The following PRKCH variants were observed in gnomAD, a reference collection of about 807,000 sequenced individuals.
The protein encoded by PRKCH is protein kinase C eta.
Under a neutral mutation model 82.5 loss-of-function variants are expected in PRKCH, and 28 were observed. The ratio of observed to expected loss-of-function variants is 0.34; its 90% CI spans 0.25 to 0.47. PRKCH has a LOEUF of 0.47. PRKCH is among the 20% of genes least tolerant of loss of function. The pLI, the probability that PRKCH is intolerant of heterozygous loss-of-function variation, is 1.00. For missense variants in PRKCH, 705 were observed against 881.8 expected, an observed-to-expected ratio of 0.80 and a Z score of 2.54; for synonymous variants, 322 against 327.4, an observed-to-expected ratio of 0.98 and a Z score of 0.18.
In PRKCH at chr14:61,324,447, ATTT is replaced by A. The variant is rs753285080; in HGVS notation, c.363+1991_363+1993del. Among the ~76,000 whole-genome samples the A allele has an allele frequency of 9.2e-5, 14 of 152,108 alleles. No homozygotes were observed. In the South Asian group the frequency reaches 1.9e-3, roughly 20 times the overall value. ...TGCGTTTGCATGCATCAGAAGGCAG[ATTT>A]TTTTTTTGTTGTTTTTTTTAAAAAG... On this transcript the variant is annotated intron_variant, in intron 1 of 13. Coordinates refer to ENST00000332981, the MANE Select transcript of PRKCH (RefSeq NM_006255.5).
intron 1 of PRKCH, chr14:61,344,319 A>G (rs1342315203): frequency 6.6e-6 from 1 of 152,240 alleles, no homozygotes; most frequent in African/African-American, 2.4e-5. Context: ...TTTCCCAGCC[A>G]CACTAGTACA....
chr14:61,309,405 C>A (rs1211847769), intron 1 of PRKCH, among the ~76,000 whole-genome samples: 3 of 152,128 alleles, frequency 2.0e-5, no homozygotes, highest in African/African-American at 7.2e-5. Flanking sequence ...CTGTGGCAGG[C>A]AGGAAGGATA....
chr14:61,414,037 C>G (rs1183987915), intron 2 of PRKCH, among the ~76,000 whole-genome samples: 1 of 152,152 alleles, frequency 6.6e-6, no homozygotes, highest in African/African-American at 2.4e-5. Flanking sequence ...CCCTTCTCTT[C>G]CTTTCTCGTA....
chr14:61,451,270 AG>A (rs1422497042), intron 6 of PRKCH, among the ~76,000 whole-genome samples: 1 of 152,204 alleles, frequency 6.6e-6, no homozygotes, highest in Non-Finnish European at 1.5e-5. Context: ...GAAGAGAAAA[AG>A]ATGGGATCTT....
chr14:61,352,722 G>A (rs1268481853), intron 1 of PRKCH, among the ~76,000 whole-genome samples: 1 of 151,376 alleles, frequency 6.6e-6, no homozygotes, highest in Non-Finnish European at 1.5e-5. Flanking sequence ...AAGAAAGAAA[G>A]AAAGAAAGAA....
At chr14:61,528,972 A>C in intron 10 of PRKCH, 103 bp from the exon 11 acceptor site, 1 of 908,118 alleles carries the variant, frequency 1.1e-6, no homozygotes, top group East Asian at 3.5e-5. Flanking sequence ...ATGTGGCCGC[A>C]CGTGTGTGTG....
chr14:61,412,110 A>G (rs920382820), intron 2 of PRKCH, among the ~76,000 whole-genome samples: 7 of 152,212 alleles, frequency 4.6e-5, no homozygotes, highest in Non-Finnish European at 8.8e-5. Context: ...ATACAAAACT[A>G]TCACTCAATA....
chr14:61,287,335 G>T (rs1385413988), intron 1 of PRKCH, among the ~76,000 whole-genome samples: 1 of 151,804 alleles, frequency 6.6e-6, no homozygotes, highest in Non-Finnish European at 1.5e-5. Flanking sequence ...ACCAGAATAG[G>T]CAGAGGACAA....
chr14:61,389,282 C>G (rs571947453), intron 1 of PRKCH, among the ~76,000 whole-genome samples: 1 of 151,322 alleles, frequency 6.6e-6, no homozygotes, highest in East Asian at 1.9e-4. Flanking sequence ...CCCAGGTGGT[C>G]GAGGCTACAG....
At chr14:61,276,041 G>A (rs2045198438) in intron 1 of PRKCH, among the ~76,000 whole-genome samples, 1 of 152,112 alleles carries the variant, frequency 6.6e-6, no homozygotes, top group Non-Finnish European at 1.5e-5. Flanking sequence ...AAATAATGGA[G>A]GATGCCTGTG....
At chr14:61,523,705 C>T (rs536864232) in intron 10 of PRKCH, among the ~76,000 whole-genome samples, 1 of 152,254 alleles carries the variant, frequency 6.6e-6, no homozygotes, top group South Asian at 2.1e-4. Flanking sequence ...ACAGACTCAC[C>T]ACCCCCAAAT....
intron 10 of PRKCH, among the ~76,000 whole-genome samples, chr14:61,514,447 G>A (rs1243013192): frequency 3.3e-5 from 5 of 151,962 alleles, no homozygotes; most frequent in Admixed American, 2.6e-4. Context: ...AAGGATTGAC[G>A]CCTGGTCTGG....
intron 8 of PRKCH, 82 bp from the exon 9 acceptor site, chr14:61,457,424 C>T: frequency 6.3e-7 from 1 of 1,586,362 alleles, no homozygotes; most frequent in Non-Finnish European, 8.6e-7. Context: ...TCTCATGTGC[C>T]ATTCTTTCTT....
At chr14:61,189,121 G>T (rs2044390474) in intron 1 of PRKCH, among the ~76,000 whole-genome samples, 1 of 152,218 alleles carries the variant, frequency 6.6e-6, no homozygotes, top group South Asian at 2.1e-4. Flanking sequence ...ACAGGGTGCG[G>T]CGGTGACTCG....
chr14:61,449,305 T>C (rs1268775012), intron 5 of PRKCH, 53 bp downstream of exon 5: 42 of 1,464,736 alleles, frequency 2.9e-5, no homozygotes, highest in Non-Finnish European at 3.9e-5. Context: ...GTGTATGCTG[T>C]GTACCGCCGT....
intron 10 of PRKCH, among the ~76,000 whole-genome samples, chr14:61,505,395 C>CTTTTCTTT (rs762878496): frequency 1.8e-5 from 1 of 55,738 alleles, no homozygotes; most frequent in East Asian, 7.8e-4. Flanking sequence ...CTTTTCTTTT[C>CTTTTCTTT]TTTTTTTTTT....
intron 10 of PRKCH, among the ~76,000 whole-genome samples, chr14:61,524,413 A>G (rs935369535): frequency 2.0e-5 from 3 of 152,220 alleles, no homozygotes; most frequent in Non-Finnish European, 2.9e-5. Context: ...CCGGTGCTCA[A>G]TGAGCTAATG....
At chr14:61,256,818 T>C (rs1389630085) in intron 1 of PRKCH, among the ~76,000 whole-genome samples, 1 of 152,216 alleles carries the variant, frequency 6.6e-6, no homozygotes, top group African/African-American at 2.4e-5. Context: ...ATTGATCTGC[T>C]AAATCTATCT....
intron 2 of PRKCH, among the ~76,000 whole-genome samples, chr14:61,441,135 G>A (rs902371411): frequency 2.0e-5 from 3 of 151,846 alleles, no homozygotes; most frequent in Non-Finnish European, 4.4e-5. Context: ...CTAGGCTCAA[G>A]TGATCTCCCA....
Sources: gnomAD v4.1 joint callset for allele counts (sites outside exome capture counted in the v4.1 genomes callset) on GRCh38, gnomAD v4.1.1 for gene constraint, MANE v1.5 for transcripts, NCBI Gene and HGNC (gene_info 2026-07-23, HGNC 2026-07-21) for gene names.